Variants in CADPS2 observed in about 807,000 individuals in gnomAD.
CADPS2 encodes the protein calcium dependent secretion activator 2.
Under a neutral mutation model 172.5 loss-of-function variants are expected in CADPS2, and 93 were observed. That is an observed-to-expected ratio of 0.54 (90% CI 0.46 to 0.64). The LOEUF is 0.64. Among genes scored for constraint, CADPS2 ranks in the 30% least tolerant of loss-of-function variants. CADPS2 has a pLI of 0.00. For synonymous variants in CADPS2, 546 were observed against 555.2 expected (o/e 0.98, Z 0.23); for missense variants, 1,420 against 1,565.9 (o/e 0.91, Z 1.57).
intron 8 of CADPS2, among the ~76,000 whole-genome samples, chr7:122,540,485 C>A (rs753782758): frequency 6.6e-6 from 1 of 152,086 alleles, no homozygotes; most frequent in Non-Finnish European, 1.5e-5. Context: ...GTATGCTCCT[C>A]AATTTGGAAC....
rs569564833 is a variant in CADPS2, at chr7:122,415,203, G to A, written c.2580+858C>T. 3.3e-5 allele frequency among the ~76,000 whole-genome samples: 5 copies of A among 152,286 alleles called. No individual in the cohort carries two copies. The South Asian group carries it at 8.3e-4, about 25-fold the overall frequency. The stretch of plus-strand genomic sequence containing the variant: ...AAGTGAAAAGTTCAATGTTGAGAGC[G>A]AAAGCCTAGAGTTATCAACCATACG... On this transcript the variant is annotated intron_variant, in intron 18 of 29. Transcript: ENST00000449022.
chr7:122,824,164 A>G (rs2140432572), intron 1 of CADPS2, among the ~76,000 whole-genome samples: 1 of 152,354 alleles, frequency 6.6e-6, no homozygotes, highest in South Asian at 2.1e-4. Context: ...CAGTAAACTG[A>G]GTGTTTGCTT....
intron 2 of CADPS2, among the ~76,000 whole-genome samples, chr7:122,674,197 C>T (rs1234798334): frequency 1.3e-5 from 2 of 152,136 alleles, no homozygotes; most frequent in Non-Finnish European, 2.9e-5. Context: ...CCCGGGTCCC[C>T]GCCCGCACCT....
chr7:122,444,020 T>C (rs1350673765), intron 15 of CADPS2, among the ~76,000 whole-genome samples: 4 of 152,142 alleles, frequency 2.6e-5, no homozygotes, highest in Non-Finnish European at 5.9e-5. Flanking sequence ...TTCCTTGCTA[T>C]AATTTTGATT....
intron 3 of CADPS2, among the ~76,000 whole-genome samples, chr7:122,632,935 C>T (rs2076717655): frequency 6.6e-6 from 1 of 152,068 alleles, no homozygotes; most frequent in Admixed American, 6.6e-5. Flanking sequence ...TATTCCAGCA[C>T]CATTTATTGA....
chr7:122,791,139 A>C (rs2139680428), intron 1 of CADPS2, among the ~76,000 whole-genome samples: 1 of 152,282 alleles, frequency 6.6e-6, no homozygotes, highest in Non-Finnish European at 1.5e-5. Flanking sequence ...GGCGCGAGGA[A>C]AAGTACAATA....
intron 8 of CADPS2, among the ~76,000 whole-genome samples, chr7:122,541,697 T>TCA (rs2063001488): frequency 1.4e-5 from 2 of 145,962 alleles, no homozygotes; most frequent in East Asian, 1.9e-4. Context: ...TCATATATGT[T>TCA]TATATATTCA....
At chr7:122,501,847 C>A (rs956958254) in intron 9 of CADPS2, among the ~76,000 whole-genome samples, 7 of 142,482 alleles carry the variant, frequency 4.9e-5, no homozygotes, top group Admixed American at 2.9e-4. Context: ...TGCACTCCAG[C>A]CTGGGCAACA....
chr7:122,698,595 T>G, intron 2 of CADPS2: 1 of 1,613,972 alleles, frequency 6.2e-7, no homozygotes, highest in South Asian at 1.1e-5. Context: ...AGGTACAACC[T>G]CCCCGTTCAA....
At chr7:122,413,828 T>C (rs1027710139) in intron 19 of CADPS2, among the ~76,000 whole-genome samples, 2 of 152,188 alleles carry the variant, frequency 1.3e-5, no homozygotes, top group African/African-American at 4.8e-5. Context: ...AATATCAACA[T>C]CCCTTCAGTC....
intron 1 of CADPS2, among the ~76,000 whole-genome samples, chr7:122,814,397 C>A (rs1584553350): frequency 1.3e-5 from 2 of 151,892 alleles, no homozygotes; most frequent in Admixed American, 1.3e-4. Flanking sequence ...ACCACTAGAT[C>A]CATAACATGG....
chr7:122,389,025 A>G (rs2044041836), intron 22 of CADPS2, among the ~76,000 whole-genome samples: 1 of 152,104 alleles, frequency 6.6e-6, no homozygotes. Context: ...TGTGTACATA[A>G]GAACAAACAT....
chr7:122,393,882 C>T (rs1001473217), intron 20 of CADPS2, among the ~76,000 whole-genome samples: 3 of 152,138 alleles, frequency 2.0e-5, no homozygotes, highest in Non-Finnish European at 1.5e-5. Context: ...CATGACCACT[C>T]GCTGGAAATT....
At chr7:122,352,243 T>C (rs892818971) in intron 27 of CADPS2, among the ~76,000 whole-genome samples, 7 of 152,234 alleles carry the variant, frequency 4.6e-5, no homozygotes. Context: ...ATAATGATGA[T>C]GGTTTTAAAT....
chr7:122,457,836 C>T (rs1231893485), intron 14 of CADPS2, among the ~76,000 whole-genome samples: 1 of 152,132 alleles, frequency 6.6e-6, no homozygotes, highest in Non-Finnish European at 1.5e-5. Flanking sequence ...GGACTCTGCA[C>T]ATTGCCTGGT....
rs922003043 is a variant in CADPS2 at position 122,833,962 on chromosome 7, A to G, written c.339+52037T>C. ...TATATATCAGATTGGGGTGCCCTGGAAAGGTTTTAGATGAGAAACAGATTT... is the reference window on the plus strand; with the variant it reads ...TATATATCAGATTGGGGTGCCCTGGGAAGGTTTTAGATGAGAAACAGATTT... On this transcript the variant is annotated intron_variant, in intron 1 of 29. Coordinates refer to ENST00000449022, the MANE Select transcript of CADPS2 (RefSeq NM_017954.11). Among the ~76,000 whole-genome samples, 5 of 152,298 alleles carry G rather than the reference A, an allele frequency of 3.3e-5. No homozygotes were observed. In the South Asian group the frequency reaches 8.3e-4, roughly 25 times the overall value.
chr7:122,497,006 G>T lies in CADPS2; in HGVS notation c.1543-5586C>A, dbSNP rs561527361. ...GAAATAATCTCATATATATACCTGG[G>T]ATTGTTACTTCTTTCTCGGACTGTT... is the stretch of plus-strand genomic sequence containing the variant. On this transcript the variant is annotated intron_variant, in intron 9 of 29. Transcript: ENST00000449022. Among the ~76,000 whole-genome samples, 10 of 151,952 alleles carry T rather than the reference G, an allele frequency of 6.6e-5. No individual in the cohort carries two copies. In the South Asian group the frequency reaches 2.1e-3, roughly 32 times the overall value.
intron 2 of CADPS2, among the ~76,000 whole-genome samples, chr7:122,707,454 T>C (rs2087767159): frequency 6.6e-6 from 1 of 151,934 alleles, no homozygotes; most frequent in Non-Finnish European, 1.5e-5. Context: ...AAATCTCTAC[T>C]CCAATAAAGC....
chr7:122,662,003 T>C (rs1272143102), intron 3 of CADPS2, among the ~76,000 whole-genome samples: 1 of 152,196 alleles, frequency 6.6e-6, no homozygotes, highest in Admixed American at 6.5e-5. Flanking sequence ...TTACAGTGAG[T>C]ACACAAATTG....
Sources: allele counts gnomAD v4.1 joint callset (sites outside exome capture counted in the v4.1 genomes callset), GRCh38; gene constraint gnomAD v4.1.1; transcripts MANE v1.5; gene names NCBI Gene and HGNC (gene_info 2026-07-23, HGNC 2026-07-21).